ETFA: variants seen among roughly 807,000 people sequenced by gnomAD.
ETFA encodes electron transfer flavoprotein subunit alpha, mitochondrial.
Under a neutral mutation model 46.2 loss-of-function variants are expected in ETFA, and 22 were observed. That is an observed-to-expected ratio of 0.48 (90% CI 0.34 to 0.68). The LOEUF (loss-of-function observed/expected upper bound fraction) is 0.68, where lower values mean the gene tolerates loss of function less well. Ranked by LOEUF, ETFA falls within the 30% of genes least tolerant of loss-of-function variation. ETFA has a pLI of 0.01. For synonymous variants in ETFA, 131 were observed against 139.9 expected (o/e 0.94, Z 0.45); for missense variants, 345 against 401.1 (o/e 0.86, Z 1.19).
chr15:76,277,502 A>G (rs1266016608), intron 8 of ETFA, among the ~76,000 whole-genome samples: 1 of 6,922 alleles, frequency 1.4e-4, no homozygotes, highest in African/African-American at 1.8e-4. Context: ...CAAAAACAAA[A>G]ACAAAAAAAA....
intron 2 of ETFA, among the ~76,000 whole-genome samples, chr15:76,294,269 TA>T (rs1176104705): frequency 3.8e-4 from 58 of 152,230 alleles, no homozygotes; most frequent in African/African-American, 1.3e-3. Context: ...CACAAATTCC[TA>T]TATATCCAAA....
intron 9 of ETFA, among the ~76,000 whole-genome samples, chr15:76,248,883 T>TAA (rs200384853): frequency 3.0e-5 from 4 of 131,486 alleles, no homozygotes; most frequent in Admixed American, 7.6e-5. Context: ...TCTCAAAAAA[T>TAA]AAAAAAAAAA....
At position 76,260,892 on chromosome 15, in the gene ETFA, A is replaced by C. The variant is rs904196226; in HGVS notation, c.816+13520T>G. 4 of 1,611,988 alleles carry C rather than the reference A, an allele frequency of 2.5e-6. No homozygotes were observed. The South Asian group carries it at 3.3e-5, about 13-fold the overall frequency. On this transcript the variant is annotated intron_variant, in intron 9 of 11. Transcript: ENST00000557943. The stretch of plus-strand genomic sequence containing the variant: ...GGGGGGCACAAGGACCACAACAGCC[A>C]GGACTTCCCAGCCTCCTGGGGCCTG...
intron 10 of ETFA, chr15:76,227,597 T>A: frequency 3.1e-6 from 1 of 324,652 alleles, no homozygotes; most frequent in Admixed American, 4.2e-5. Context: ...TAGTTTGGTA[T>A]TCCCCACAGA....
chr15:76,267,703 T>C (rs2039485199), intron 9 of ETFA, among the ~76,000 whole-genome samples: 1 of 152,318 alleles, frequency 6.6e-6, no homozygotes, highest in African/African-American at 2.4e-5. Context: ...GCAAATGCAA[T>C]TGCATTTAGC....
At chr15:76,221,518 C>T (rs533579036) in intron 11 of ETFA, among the ~76,000 whole-genome samples, 1 of 152,244 alleles carries the variant, frequency 6.6e-6, no homozygotes, top group South Asian at 2.1e-4. Context: ...CTAAAACAAA[C>T]AAAAAACAGG....
rs1417080876 is a variant in ETFA, at chr15:76,311,426, C to T, written c.-38G>A. 2 of 1,547,908 alleles carry T rather than the reference C, an allele frequency of 1.3e-6. No individual in the cohort carries two copies. The highest frequency in any genetic ancestry group is 2.4e-5 in the East Asian group (1 of 41,208). On this transcript the variant is annotated 5_prime_UTR_variant, in exon 1 of 12. Transcript: ENST00000557943. ...CGCCGCAACCTCGGCCTTACAGCAG[C>T]CCCGTGCCCGGCCAACTGGCGCCGC...
chr15:76,309,219 G>A (rs546203170), intron 1 of ETFA, among the ~76,000 whole-genome samples: 50 of 152,312 alleles, frequency 3.3e-4, no homozygotes, highest in African/African-American at 1.0e-3. Context: ...GGAGGCCAAG[G>A]CGGGCGGATC....
chr15:76,274,097 T>A (rs772750621), intron 9 of ETFA: 1 of 329,868 alleles, frequency 3.0e-6, no homozygotes, highest in Admixed American at 4.4e-5. Context: ...ATAAATCTTA[T>A]CAATGTGAAC....
chr15:76,277,886 G>C (rs1184253029), intron 8 of ETFA, among the ~76,000 whole-genome samples: 3 of 152,132 alleles, frequency 2.0e-5, no homozygotes, highest in African/African-American at 4.8e-5. Context: ...CTCCTGTGGA[G>C]GTTGCTACTT....
At chr15:76,224,537 T>C (rs1228946250) in intron 11 of ETFA, among the ~76,000 whole-genome samples, 1 of 152,134 alleles carries the variant, frequency 6.6e-6, no homozygotes, top group Non-Finnish European at 1.5e-5. Flanking sequence ...TACTTCAAAG[T>C]ACAAATGTAC....
chr15:76,252,287 A>G (rs2039306436), intron 9 of ETFA, among the ~76,000 whole-genome samples: 1 of 152,104 alleles, frequency 6.6e-6, no homozygotes, highest in Admixed American at 6.6e-5. Context: ...TCACAGGTAA[A>G]CTTATTGTAC....
intron 9 of ETFA, chr15:76,259,350 C>T: frequency 3.1e-6 from 5 of 1,592,280 alleles, no homozygotes; most frequent in Non-Finnish European, 4.3e-6. Context: ...GGGGTCAGCA[C>T]TCCAGCACTG....
At chr15:76,291,052 C>G (rs529792202) in intron 4 of ETFA, among the ~76,000 whole-genome samples, 1 of 152,052 alleles carries the variant, frequency 6.6e-6, no homozygotes, top group African/African-American at 2.4e-5. Flanking sequence ...TACATCGATA[C>G]AAAAAATTTG....
intron 8 of ETFA, among the ~76,000 whole-genome samples, chr15:76,277,755 G>A (rs534933026): frequency 3.9e-5 from 6 of 152,188 alleles, no homozygotes; most frequent in South Asian, 4.1e-4. Context: ...TGCCCACCTC[G>A]GCCTCCCAAA....
intron 11 of ETFA, among the ~76,000 whole-genome samples, chr15:76,222,838 ATTTT>A (rs5813824): frequency 1.3e-4 from 19 of 146,812 alleles, no homozygotes; most frequent in Admixed American, 1.0e-3. Flanking sequence ...CCCAAACTGA[ATTTT>A]TTTTTTTTTT....
intron 9 of ETFA, among the ~76,000 whole-genome samples, chr15:76,254,661 G>C (rs764774317): frequency 6.6e-6 from 1 of 152,004 alleles, no homozygotes; most frequent in Admixed American, 6.6e-5. Context: ...CTCACAGTGC[G>C]CAATGGAGTT....
chr15:76,260,431 G>A (rs755383662), intron 9 of ETFA: 60 of 1,586,294 alleles, frequency 3.8e-5, no homozygotes, highest in Non-Finnish European at 4.1e-5. Flanking sequence ...CAGGATGTGC[G>A]GCTGTGAGGA....
At chr15:76,260,713 T>A in intron 9 of ETFA, 1 of 1,605,578 alleles carries the variant, frequency 6.2e-7, no homozygotes, top group East Asian at 2.2e-5. Context: ...TCTGTGTGGA[T>A]GGCATGGAGG....
Sources: allele counts gnomAD v4.1 joint callset (sites outside exome capture counted in the v4.1 genomes callset), GRCh38; gene constraint gnomAD v4.1.1; transcripts MANE v1.5; gene names NCBI Gene and HGNC (gene_info 2026-07-23, HGNC 2026-07-21).